The following NEK7 variants were observed in gnomAD, a reference collection of about 807,000 sequenced individuals.
NEK7 encodes NIMA related kinase 7.
A neutral mutation model predicts 44.6 loss-of-function variants in NEK7; 18 were observed. The observed-to-expected ratio is 0.40, with a 90% CI of 0.28 to 0.60. The LOEUF (loss-of-function observed/expected upper bound fraction) is 0.60. NEK7 is among the 20% of genes least tolerant of loss of function. The pLI, the probability that NEK7 is intolerant of heterozygous loss-of-function variation, is 0.38. For synonymous variants in NEK7, 130 were observed against 121.1 expected, an observed-to-expected ratio of 1.07 and a Z score of -0.48; for missense variants, 256 against 366.5, an observed-to-expected ratio of 0.70 and a Z score of 2.46.
intron 5 of NEK7, among the ~76,000 whole-genome samples, chr1:198,269,982 ATTTTC>A (rs1653784504): frequency 6.6e-6 from 1 of 151,894 alleles, no homozygotes; most frequent in Non-Finnish European, 1.5e-5. Context: ...TATGCCATAT[ATTTTC>A]TTTATTGTAG....
intron 1 of NEK7, among the ~76,000 whole-genome samples, chr1:198,218,737 CA>C (rs57115639): frequency 0.14 from 19,344 of 140,922 alleles, 1,870 homozygotes; most frequent in East Asian, 0.56. Flanking sequence ...AAAAGATTGG[CA>C]AAAAAAAAAA....
chr1:198,177,668 A>G (rs1181057194), intron 1 of NEK7, among the ~76,000 whole-genome samples: 1 of 152,138 alleles, frequency 6.6e-6, no homozygotes, highest in Non-Finnish European at 1.5e-5. Context: ...GGGTATGGTT[A>G]TAAAACTTAT....
chr1:198,279,065 A>C lies in NEK7; in HGVS notation c.589+4A>C. On this transcript the variant is annotated splice_donor_region_variant and intron_variant, in intron 7 of 9. Coordinates refer to ENST00000367385, the MANE Select transcript of NEK7 (RefSeq NM_133494.3). Reference sequence around the variant, plus strand: ...ACCACAGCTGCACATTCTTTAGGTAAGAGACACAATATAATTTCATTCAGT... The same window carrying C: ...ACCACAGCTGCACATTCTTTAGGTACGAGACACAATATAATTTCATTCAGT... The C allele has an allele frequency of 6.4e-7, 1 of 1,556,576 alleles. No individual in the cohort carries two copies.
intron 1 of NEK7, among the ~76,000 whole-genome samples, chr1:198,170,571 A>G (rs1005823161): frequency 5.9e-5 from 9 of 152,174 alleles, no homozygotes; most frequent in Non-Finnish European, 1.3e-4. Flanking sequence ...AGGTATGACT[A>G]TCTATTTGCC....
At chr1:198,240,892 A>G (rs1458182093) in intron 2 of NEK7, among the ~76,000 whole-genome samples, 1 of 152,176 alleles carries the variant, frequency 6.6e-6, no homozygotes, top group African/African-American at 2.4e-5. Context: ...ATGGGGTTTC[A>G]GCATCTTGAC....
At chr1:198,200,763 C>T (rs1665406950) in intron 1 of NEK7, among the ~76,000 whole-genome samples, 1 of 152,080 alleles carries the variant, frequency 6.6e-6, no homozygotes, top group South Asian at 2.1e-4. Flanking sequence ...ATTGGCCAGG[C>T]TGGTCTCAAA....
chr1:198,165,689 A>C lies in NEK7; in HGVS notation c.-29+8413A>C, dbSNP rs1200096509. On this transcript the variant is annotated intron_variant, in intron 1 of 9. Transcript: ENST00000367385. ...ATTTAGCATAATTCTTAAGGGCCCT[A>C]GGATTTTCAGGGGATGCTAAATGAG... Among the ~76,000 whole-genome samples the C allele has an allele frequency of 2.0e-5, 3 of 152,174 alleles. No individual in the cohort carries two copies. The East Asian group carries it at 5.8e-4, about 29-fold the overall frequency.
At chr1:198,260,101 G>A (rs1653405937) in intron 3 of NEK7, among the ~76,000 whole-genome samples, 1 of 152,052 alleles carries the variant, frequency 6.6e-6, no homozygotes, top group African/African-American at 2.4e-5. Context: ...ATGTAGAAAG[G>A]GTGGGCATTA....
rs1183929083 is a variant in NEK7 at position 198,320,498 on chromosome 1, C to T, written c.*976C>T. 1 of 151,990 alleles carries T rather than the reference C, an allele frequency of 6.6e-6. No individual in the cohort carries two copies. The highest frequency in any genetic ancestry group is 1.5e-5 in the Non-Finnish European group (1 of 67,972). The allele number at this position is 151,990 out of a possible 1,614,324, so 9.4% of individuals were successfully genotyped here. Reference sequence around the variant, plus strand: ...TTTTTTTATATTATTCTTCAAGTTACTTTCTTATTTATATTGTATGTGCAT... The same window carrying T: ...TTTTTTTATATTATTCTTCAAGTTATTTTCTTATTTATATTGTATGTGCAT... On this transcript the variant is annotated 3_prime_UTR_variant, in exon 10 of 10. Coordinates refer to ENST00000367385, the MANE Select transcript of NEK7 (RefSeq NM_133494.3).
intron 9 of NEK7, 123 bp downstream of exon 9, chr1:198,297,363 T>C (rs1290742216): frequency 1.8e-5 from 21 of 1,179,066 alleles, no homozygotes; most frequent in Non-Finnish European, 2.5e-5. Context: ...ACTAGCACTT[T>C]TTAATTCTGT....
At chr1:198,179,849 G>A (rs566920949) in intron 1 of NEK7, among the ~76,000 whole-genome samples, 47 of 152,204 alleles carry the variant, frequency 3.1e-4, no homozygotes, top group Non-Finnish European at 4.4e-4. Flanking sequence ...GTGCAGACAC[G>A]TGTGTGTAAA....
At chr1:198,230,681 C>CA (rs1666362369) in intron 1 of NEK7, among the ~76,000 whole-genome samples, 3 of 151,782 alleles carry the variant, frequency 2.0e-5, no homozygotes, top group South Asian at 2.1e-4. Flanking sequence ...TGTAGTAAGG[C>CA]AAAAAAACTA....
chr1:198,235,345 T>G (rs1466760244), intron 2 of NEK7, among the ~76,000 whole-genome samples: 1 of 152,058 alleles, frequency 6.6e-6, no homozygotes, highest in East Asian at 1.9e-4. Context: ...ATTTTGAAAT[T>G]TTTTCTATCA....
At chr1:198,214,747 A>G in intron 1 of NEK7, among the ~76,000 whole-genome samples, 1 of 152,194 alleles carries the variant, frequency 6.6e-6, no homozygotes, top group African/African-American at 2.4e-5. Context: ...AAAGTTTGGA[A>G]AACCTATTTG....
At chr1:198,284,741 A>G (rs1363531579) in intron 7 of NEK7, among the ~76,000 whole-genome samples, 1 of 152,166 alleles carries the variant, frequency 6.6e-6, no homozygotes, top group Non-Finnish European at 1.5e-5. Context: ...TAATCATTGA[A>G]TATTTAAACA....
At chr1:198,157,728 G>A (rs1663955146) in intron 1 of NEK7, among the ~76,000 whole-genome samples, 1 of 152,232 alleles carries the variant, frequency 6.6e-6, no homozygotes, top group African/African-American at 2.4e-5. Flanking sequence ...GGAAAGTGAA[G>A]TGCGCTGGGA....
At chr1:198,283,166 C>T (rs556531285) in intron 7 of NEK7, among the ~76,000 whole-genome samples, 71 of 152,202 alleles carry the variant, frequency 4.7e-4, no homozygotes, top group Non-Finnish European at 8.1e-4. Flanking sequence ...GATGTAGGAG[C>T]AATTCACATT....
At chr1:198,279,213 GGTATA>G (rs1443972689) in intron 7 of NEK7, 152 bp downstream of exon 7, 42 of 471,602 alleles carry the variant, frequency 8.9e-5, no homozygotes, top group South Asian at 7.1e-4. Context: ...CTCTCTATTA[GGTATA>G]AGGTTTCCTC....
intron 3 of NEK7, among the ~76,000 whole-genome samples, chr1:198,254,482 C>T (rs1653183513): frequency 6.6e-6 from 1 of 152,078 alleles, no homozygotes; most frequent in Non-Finnish European, 1.5e-5. Context: ...TTGCTTTTTT[C>T]ACATAGCTTC....
Sources: gnomAD v4.1 joint callset for allele counts (sites outside exome capture counted in the v4.1 genomes callset) on GRCh38, gnomAD v4.1.1 for gene constraint, MANE v1.5 for transcripts, NCBI Gene and HGNC (gene_info 2026-07-23, HGNC 2026-07-21) for gene names.